Variants in KAZN observed in about 807,000 individuals in gnomAD.
KAZN encodes kazrin, periplakin interacting protein.
A neutral mutation model predicts 87.4 loss-of-function variants in KAZN; 40 were observed. The observed-to-expected ratio is 0.46, with a 90% confidence interval of 0.36 to 0.60. The LOEUF is 0.60. KAZN is among the 20% of genes least tolerant of loss of function. The probability of loss-of-function intolerance (pLI) is 0.00; values close to 1 mark genes in which losing one functional copy is unlikely to be tolerated. For missense variants in KAZN, 898 were observed against 1,073.9 expected (o/e 0.84, Z 2.29); for synonymous variants, 466 against 458.3 (o/e 1.02, Z -0.22).
intron 1 of KAZN, among the ~76,000 whole-genome samples, chr1:14,629,526 G>T (rs1044884730): frequency 8.5e-5 from 13 of 152,204 alleles, no homozygotes; most frequent in Admixed American, 8.5e-4. Context: ...AGCAACTCGG[G>T]TGAGGTGGCC....
chr1:14,172,461 T>A (rs188118060), intron 1 of KAZN, among the ~76,000 whole-genome samples: 1 of 152,348 alleles, frequency 6.6e-6, no homozygotes, highest in African/African-American at 2.4e-5. Context: ...TATGCTTAAA[T>A]CAGGGGATAC....
intron 1 of KAZN, among the ~76,000 whole-genome samples, chr1:14,736,322 G>T (rs1298530302): frequency 6.9e-6 from 1 of 144,382 alleles, no homozygotes; most frequent in South Asian, 2.2e-4. Flanking sequence ...TTTTGAGACG[G>T]AGTTTTGCTC....
chr1:14,882,131 G>A (rs2101103834), intron 1 of KAZN, among the ~76,000 whole-genome samples: 1 of 152,330 alleles, frequency 6.6e-6, no homozygotes, highest in South Asian at 2.1e-4. Context: ...ACTGTGAGTA[G>A]CCAGAGACTG....
At chr1:14,051,280 G>T (rs1293766978) in intron 1 of KAZN, among the ~76,000 whole-genome samples, 2 of 152,176 alleles carry the variant, frequency 1.3e-5, no homozygotes, top group African/African-American at 4.8e-5. Flanking sequence ...AGCTGATCAA[G>T]CAGGACTCTT....
intron 1 of KAZN, among the ~76,000 whole-genome samples, chr1:14,841,549 G>A (rs1648019640): frequency 6.6e-6 from 1 of 151,778 alleles, no homozygotes; most frequent in Non-Finnish European, 1.5e-5. Context: ...AATCCCTGGA[G>A]CATTAAAGAG....
intron 2 of KAZN, among the ~76,000 whole-genome samples, chr1:14,972,223 T>A (rs937835341): frequency 6.6e-6 from 1 of 152,132 alleles, no homozygotes; most frequent in Non-Finnish European, 1.5e-5. Context: ...CATGCCTACC[T>A]GGCCATGACA....
In KAZN at chr1:14,073,058, T is replaced by C. The variant is rs189259662; in HGVS notation, c.92-107377T>C. 2.8e-3 allele frequency among the ~76,000 whole-genome samples: 425 copies of C among 152,344 alleles called. 5 individuals carry two copies. Among genetic ancestry groups the C allele is most frequent in the African/African-American group, 9.9e-3 (412 of 41,576 alleles). ...GAAGGAGCTAAAACATAGTGAATGA[T>C]GGCAGGGTAAGGCAGTGGAGAAGAA... On this transcript the variant is annotated intron_variant, in intron 1 of 16. Transcript: ENST00000636203.
At chr1:14,656,535 T>C (rs1322739054) in intron 1 of KAZN, among the ~76,000 whole-genome samples, 1 of 152,224 alleles carries the variant, frequency 6.6e-6, no homozygotes, top group Non-Finnish European at 1.5e-5. Context: ...AAGAACTACC[T>C]GAGACTGGGT....
At chr1:14,891,105 A>G (rs1282806441) in intron 1 of KAZN, among the ~76,000 whole-genome samples, 1 of 151,930 alleles carries the variant, frequency 6.6e-6, no homozygotes, top group African/African-American at 2.4e-5. Context: ...CGGCCTCCCA[A>G]AGTGCTGGGA....
chr1:13,986,087 A>G (rs1400061903), intron 1 of KAZN, among the ~76,000 whole-genome samples: 1 of 152,222 alleles, frequency 6.6e-6, no homozygotes, highest in African/African-American at 2.4e-5. Flanking sequence ...GAAACTATCA[A>G]ACTGTTTTCC....
intron 2 of KAZN, among the ~76,000 whole-genome samples, chr1:14,494,615 G>A (rs1486584783): frequency 2.6e-5 from 4 of 152,106 alleles, no homozygotes; most frequent in South Asian, 2.1e-4. Flanking sequence ...AGGTCCTTTC[G>A]TGCCTAGCTG....
chr1:14,400,412 G>A (rs903758299), intron 2 of KAZN, among the ~76,000 whole-genome samples: 2 of 152,198 alleles, frequency 1.3e-5, no homozygotes, highest in East Asian at 3.8e-4. Context: ...ATGAAAATAT[G>A]CATTCCTTGG....
chr1:14,821,877 G>T (rs1430503595), intron 1 of KAZN, among the ~76,000 whole-genome samples: 5 of 152,140 alleles, frequency 3.3e-5, no homozygotes, highest in African/African-American at 7.2e-5. Context: ...TCCCTCCAAG[G>T]AGCAGAGTCC....
At chr1:15,095,621 C>T (rs1640775131) in intron 10 of KAZN, among the ~76,000 whole-genome samples, 1 of 151,942 alleles carries the variant, frequency 6.6e-6, no homozygotes, top group African/African-American at 2.4e-5. Context: ...CGCCCCACCC[C>T]GTTCTGAGAA....
At chr1:14,906,968 C>T (rs1227105482) in intron 1 of KAZN, among the ~76,000 whole-genome samples, 2 of 151,788 alleles carry the variant, frequency 1.3e-5, no homozygotes, top group African/African-American at 2.4e-5. Flanking sequence ...GAAGAATGAC[C>T]CCCAGGATGT....
intron 2 of KAZN, among the ~76,000 whole-genome samples, chr1:14,449,601 G>T (rs1047114025): frequency 6.6e-6 from 1 of 152,164 alleles, no homozygotes; most frequent in Non-Finnish European, 1.5e-5. Context: ...GTAGTATAAA[G>T]CTTTTCACAC....
intron 1 of KAZN, among the ~76,000 whole-genome samples, chr1:14,780,915 G>A (rs1645314567): frequency 6.6e-6 from 1 of 152,150 alleles, no homozygotes; most frequent in Non-Finnish European, 1.5e-5. Context: ...CAGAGGATTC[G>A]GTGTTCGGAA....
chr1:15,085,575 G>T (rs867035546), intron 8 of KAZN, among the ~76,000 whole-genome samples: 1 of 152,138 alleles, frequency 6.6e-6, no homozygotes, highest in Non-Finnish European at 1.5e-5. Context: ...CAAGCCTCCC[G>T]CCTTAGCCTC....
At chr1:14,694,963 A>AATG (rs1311366512) in intron 1 of KAZN, among the ~76,000 whole-genome samples, 1 of 152,198 alleles carries the variant, frequency 6.6e-6, no homozygotes, top group East Asian at 1.9e-4. Flanking sequence ...AGGCATCTCC[A>AATG]ATGATGGCAC....
Sources: allele counts gnomAD v4.1 joint callset (sites outside exome capture counted in the v4.1 genomes callset), GRCh38; gene constraint gnomAD v4.1.1; transcripts MANE v1.5; gene names NCBI Gene and HGNC (gene_info 2026-07-23, HGNC 2026-07-21).